TMEM117: variants seen among roughly 807,000 people sequenced by gnomAD.
TMEM117 encodes transmembrane protein 117.
Under a neutral mutation model 52.4 loss-of-function variants are expected in TMEM117, and 27 were observed. The observed-to-expected ratio is 0.51, with a 90% CI of 0.38 to 0.71. The LOEUF is 0.71. Among genes scored for constraint, TMEM117 ranks in the 30% least tolerant of loss-of-function variants. TMEM117 has a pLI of 0.00. For synonymous variants in TMEM117, 215 were observed against 206.3 expected (o/e 1.04, Z -0.36); for missense variants, 556 against 630.5 (o/e 0.88, Z 1.26).
chr12:44,366,989 G>C (rs922888866), intron 6 of TMEM117, among the ~76,000 whole-genome samples: 14 of 152,282 alleles, frequency 9.2e-5, no homozygotes, highest in African/African-American at 3.4e-4. Context: ...TAAACAACCA[G>C]TGTATCCATA....
intron 3 of TMEM117, among the ~76,000 whole-genome samples, chr12:44,117,621 A>G (rs1948167163): frequency 6.6e-6 from 1 of 152,164 alleles, no homozygotes; most frequent in Non-Finnish European, 1.5e-5. Context: ...GAATGAAACT[A>G]GGCCATATCT....
chr12:44,281,198 T>C (rs1017726368), intron 5 of TMEM117, among the ~76,000 whole-genome samples: 1 of 152,242 alleles, frequency 6.6e-6, no homozygotes, highest in African/African-American at 2.4e-5. Context: ...TGACATGACA[T>C]TACATCCTTT....
At position 43,985,465 on chromosome 12, in the gene TMEM117, A is replaced by G. The variant is rs1313255837; in HGVS notation, c.410+41123A>G. Reference sequence around the variant, plus strand: ...TTTATCATTGTATATTTTGATTGTTACCCCAAATTTAAGAAATTATTAGTG... The same window carrying G: ...TTTATCATTGTATATTTTGATTGTTGCCCCAAATTTAAGAAATTATTAGTG... On this transcript the variant is annotated intron_variant, in intron 3 of 7. Coordinates refer to ENST00000266534, the MANE Select transcript of TMEM117 (RefSeq NM_032256.3). 3.9e-5 allele frequency among the ~76,000 whole-genome samples: 6 copies of G among 152,220 alleles called. No homozygotes were observed. The East Asian group carries it at 1.2e-3, about 29-fold the overall frequency.
intron 3 of TMEM117, among the ~76,000 whole-genome samples, chr12:43,984,077 G>T: frequency 6.6e-6 from 1 of 152,008 alleles, no homozygotes. Context: ...GGGATTAAAA[G>T]TATATCATGG....
chr12:43,833,756 G>A (rs546682130), upstream of TMEM117, among the ~76,000 whole-genome samples: 23 of 151,016 alleles, frequency 1.5e-4, no homozygotes, highest in Non-Finnish European at 3.0e-4. Flanking sequence ...ACCACTGCAC[G>A]CCAGCCTGGG....
chr12:44,192,836 G>T (rs1478317914), intron 4 of TMEM117, among the ~76,000 whole-genome samples: 2 of 152,100 alleles, frequency 1.3e-5, no homozygotes, highest in African/African-American at 4.8e-5. Flanking sequence ...ATATTTTCCT[G>T]TTCTATAAAA....
intron 2 of TMEM117, among the ~76,000 whole-genome samples, chr12:43,893,275 G>A (rs1944140511): frequency 6.6e-6 from 1 of 152,174 alleles, no homozygotes; most frequent in South Asian, 2.1e-4. Context: ...GAACAAGAAT[G>A]GAAGCACAGA....
chr12:43,959,077 C>A (rs561628922), intron 3 of TMEM117, among the ~76,000 whole-genome samples: 1 of 151,950 alleles, frequency 6.6e-6, no homozygotes, highest in Non-Finnish European at 1.5e-5. Context: ...AAAGTGCTGG[C>A]ATTACAGGCG....
chr12:43,988,981 A>G (rs6582493), intron 3 of TMEM117, among the ~76,000 whole-genome samples: 133,280 of 151,986 alleles, frequency 0.88, 59,708 homozygotes, highest in Non-Finnish European at 0.96. Flanking sequence ...GGTAGTGACT[A>G]AGTGGGGCAA....
chr12:43,816,747 T>C, the TMEM117 span, among the ~76,000 whole-genome samples: 1 of 152,344 alleles, frequency 6.6e-6, no homozygotes, highest in Admixed American at 6.5e-5. Context: ...AACTGCACTA[T>C]GAACTAAACA....
intron 3 of TMEM117, among the ~76,000 whole-genome samples, chr12:44,133,633 A>C (rs959525065): frequency 3.3e-5 from 5 of 152,166 alleles, no homozygotes; most frequent in Admixed American, 3.3e-4. Flanking sequence ...TAAAATTATG[A>C]AACAAATTTA....
intron 3 of TMEM117, among the ~76,000 whole-genome samples, chr12:44,072,646 A>G (rs1200506961): frequency 5.3e-5 from 8 of 152,314 alleles, no homozygotes; most frequent in Non-Finnish European, 1.2e-4. Context: ...ACAAACAACA[A>G]ACCTCCTGAA....
At chr12:44,227,581 T>C (rs1248834585) in intron 5 of TMEM117, among the ~76,000 whole-genome samples, 1 of 152,200 alleles carries the variant, frequency 6.6e-6, no homozygotes, top group Non-Finnish European at 1.5e-5. Flanking sequence ...CCTAATCATG[T>C]GGTAAGGCAG....
intron 5 of TMEM117, among the ~76,000 whole-genome samples, chr12:44,286,388 A>T (rs928825616): frequency 6.6e-6 from 1 of 151,678 alleles, no homozygotes; most frequent in South Asian, 2.1e-4. Flanking sequence ...TGATAGAAAA[A>T]AATCGTCAAA....
chr12:44,052,067 CT>C (rs2137928102), intron 3 of TMEM117, among the ~76,000 whole-genome samples: 1 of 152,106 alleles, frequency 6.6e-6, no homozygotes, highest in African/African-American at 2.4e-5. Context: ...ATAATAGTAC[CT>C]ATAGTTGATA....
chr12:43,924,816 A>G (rs1222513796), intron 2 of TMEM117, among the ~76,000 whole-genome samples: 1 of 152,198 alleles, frequency 6.6e-6, no homozygotes, highest in Non-Finnish European at 1.5e-5. Flanking sequence ...TTAAAACAAG[A>G]ATAAACATTT....
chr12:44,144,481 G>T (rs1948614177), intron 4 of TMEM117, among the ~76,000 whole-genome samples: 1 of 152,206 alleles, frequency 6.6e-6, no homozygotes. Flanking sequence ...ACTCAGACAA[G>T]ACTTGGCATG....
At chr12:43,954,555 G>A (rs1289522370) in intron 3 of TMEM117, among the ~76,000 whole-genome samples, 1 of 152,060 alleles carries the variant, frequency 6.6e-6, no homozygotes, top group African/African-American at 2.4e-5. Context: ...AGAAGAAATG[G>A]ATAAATTCCT....
chr12:44,117,815 C>T (rs1262953648), intron 3 of TMEM117, among the ~76,000 whole-genome samples: 1 of 151,980 alleles, frequency 6.6e-6, no homozygotes, highest in Admixed American at 6.6e-5. Flanking sequence ...TTTGACTCTC[C>T]TTTAAGTACC....
Sources: gnomAD v4.1 joint callset for allele counts (sites outside exome capture counted in the v4.1 genomes callset) on GRCh38, gnomAD v4.1.1 for gene constraint, MANE v1.5 for transcripts, NCBI Gene and HGNC (gene_info 2026-07-23, HGNC 2026-07-21) for gene names.